The following ARMH3 variants were observed in gnomAD, a reference collection of about 807,000 sequenced individuals.
ARMH3 encodes armadillo-like helical domain-containing protein 3.
Under a neutral mutation model 99.1 loss-of-function variants are expected in ARMH3, and 60 were observed. The ratio of observed to expected loss-of-function variants is 0.61; its 90% CI spans 0.49 to 0.75. The LOEUF is 0.75. Among genes scored for constraint, ARMH3 ranks in the 30% least tolerant of loss-of-function variants. The probability of loss-of-function intolerance (pLI) is 0.00; values close to 1 mark genes in which losing one functional copy is unlikely to be tolerated. For synonymous variants in ARMH3, 285 were observed against 292.8 expected (o/e 0.97, Z 0.27); for missense variants, 679 against 843.1 (o/e 0.81, Z 2.41).
At chr10:102,043,869 T>C (rs529006325) in intron 1 of ARMH3, among the ~76,000 whole-genome samples, 2 of 152,286 alleles carry the variant, frequency 1.3e-5, no homozygotes, top group South Asian at 4.1e-4. Context: ...GAAAGACTGT[T>C]AGTCACGTGA....
intron 4 of ARMH3, 90 bp downstream of exon 4, chr10:102,032,936 A>T: frequency 7.1e-7 from 1 of 1,414,778 alleles, no homozygotes; most frequent in Non-Finnish European, 9.6e-7. Context: ...CTCATACCTC[A>T]GAGCAACTCT....
rs2067372928 is a variant in ARMH3, at chr10:102,040,048, C to A, written c.67G>T (p.Glu23Ter). Residue 23 changes from glutamate to a stop codon, truncating the protein, a stop_gained, in exon 2 of 26, where the codon GAA becomes TAA. Transcript: ENST00000370033. LOFTEE classifies it high-confidence loss of function. The part of the protein sequence containing the change: ...KSSASKKPLK[E>*]KVVLMYDEIF... ...TCATCATACATCAGCACCACTTTTT[C>A]CTTCAGTGGTTTTTTGGAGGCTGAA... 3 of 1,614,158 alleles carry A rather than the reference C, an allele frequency of 1.9e-6. No homozygotes were observed. Among genetic ancestry groups the A allele is most frequent in the Non-Finnish European group, 2.5e-6 (3 of 1,180,016 alleles).
intron 23 of ARMH3, among the ~76,000 whole-genome samples, chr10:101,915,597 G>A (rs1178327857): frequency 6.6e-6 from 1 of 152,114 alleles, no homozygotes; most frequent in Non-Finnish European, 1.5e-5. Context: ...GTGGCAGAAA[G>A]GGAGGAAGGA....
At chr10:102,035,175 G>A (rs2067222402) in intron 2 of ARMH3, among the ~76,000 whole-genome samples, 2 of 152,032 alleles carry the variant, frequency 1.3e-5, no homozygotes, top group African/African-American at 4.8e-5. Context: ...AGGAGATGGA[G>A]GCCATCCTGG....
intron 22 of ARMH3, among the ~76,000 whole-genome samples, chr10:101,948,729 A>G (rs975899776): frequency 6.6e-6 from 1 of 152,180 alleles, no homozygotes; most frequent in African/African-American, 2.4e-5. Context: ...ACAGAGAACA[A>G]TATTATCATA....
chr10:101,983,771 T>A (rs1054834533), intron 19 of ARMH3, among the ~76,000 whole-genome samples: 12 of 152,214 alleles, frequency 7.9e-5, no homozygotes, highest in Non-Finnish European at 1.3e-4. Flanking sequence ...TATCTCTTCA[T>A]CTGACTGTTT....
rs571067706 is a variant in ARMH3 at position 102,010,070 on chromosome 10, G to A, written c.832-47C>T. The A allele has an allele frequency of 3.8e-6, 6 of 1,575,914 alleles. No individual in the cohort carries two copies. The East Asian group carries it at 1.3e-4, about 35-fold the overall frequency. ...GCAAACTTATAGCAGGAGGATATGA[G>A]AGGAGCTTTATGCCTAGGAAGCCTT... On this transcript the variant is annotated intron_variant, in intron 11 of 25. Transcript: ENST00000370033.
At chr10:101,916,026 G>A (rs1337659549) in intron 23 of ARMH3, among the ~76,000 whole-genome samples, 2 of 151,888 alleles carry the variant, frequency 1.3e-5, no homozygotes, top group South Asian at 2.1e-4. Context: ...GGATGGTCTC[G>A]ATCTCCTGAC....
chr10:101,866,482 TAA>T (rs58252053), intron 24 of ARMH3, among the ~76,000 whole-genome samples: 18 of 126,738 alleles, frequency 1.4e-4, no homozygotes, highest in Admixed American at 2.3e-4. Flanking sequence ...AGGACAAGTG[TAA>T]AAAAAAAAAA....
At chr10:101,875,040 C>T (rs2067227553) in intron 24 of ARMH3, among the ~76,000 whole-genome samples, 1 of 152,172 alleles carries the variant, frequency 6.6e-6, no homozygotes, top group South Asian at 2.1e-4. Flanking sequence ...GCACAGCGTA[C>T]ATACTTCTGT....
chr10:102,002,175 G>A, intron 14 of ARMH3, 103 bp from the exon 15 acceptor site: 1 of 1,532,582 alleles, frequency 6.5e-7, no homozygotes, highest in Non-Finnish European at 8.8e-7. Flanking sequence ...CACTAAATAA[G>A]CTTTTTCCAC....
At chr10:102,030,912 A>G (rs914265851) in intron 4 of ARMH3, among the ~76,000 whole-genome samples, 1 of 151,826 alleles carries the variant, frequency 6.6e-6, no homozygotes. Context: ...CGGTCTTCCT[A>G]GTAGCTGGAG....
At chr10:101,885,860 G>C (rs1367596939) in intron 24 of ARMH3, among the ~76,000 whole-genome samples, 1 of 152,030 alleles carries the variant, frequency 6.6e-6, no homozygotes, top group Middle Eastern at 3.4e-3. Context: ...TTTGAGACCA[G>C]GCTGGCCAAC....
chr10:101,925,667 G>C (rs1843480342), intron 23 of ARMH3, among the ~76,000 whole-genome samples: 1 of 152,174 alleles, frequency 6.6e-6, no homozygotes, highest in Non-Finnish European at 1.5e-5. Context: ...CCAGCACTTT[G>C]GAAGGTCAAG....
At chr10:101,963,004 C>T (rs770049943) in intron 20 of ARMH3, among the ~76,000 whole-genome samples, 4 of 146,734 alleles carry the variant, frequency 2.7e-5, no homozygotes, top group Non-Finnish European at 4.5e-5. Context: ...GAGCTCAACT[C>T]TGTCACCCAG....
chr10:101,904,652 T>C (rs1043293481), intron 23 of ARMH3, among the ~76,000 whole-genome samples: 1 of 144,562 alleles, frequency 6.9e-6, no homozygotes. Context: ...GTGTTGGGAT[T>C]AAAAAAAAAA....
intron 5 of ARMH3, among the ~76,000 whole-genome samples, chr10:102,027,749 G>T (rs1052257567): frequency 6.6e-6 from 1 of 151,826 alleles, no homozygotes; most frequent in East Asian, 1.9e-4. Context: ...AACTGCAAAA[G>T]GCCAGAATTT....
chr10:101,893,397 T>C (rs2067740744), intron 23 of ARMH3, among the ~76,000 whole-genome samples: 2 of 152,188 alleles, frequency 1.3e-5, no homozygotes, highest in African/African-American at 2.4e-5. Context: ...AATTTTTTTT[T>C]TAAATTCCTG....
chr10:101,941,690 A>G (rs1304108524), intron 22 of ARMH3, among the ~76,000 whole-genome samples: 3 of 152,330 alleles, frequency 2.0e-5, no homozygotes, highest in Admixed American at 6.5e-5. Flanking sequence ...ATTTAGTGCA[A>G]GGGAATTTGG....
Sources: allele counts gnomAD v4.1 joint callset (sites outside exome capture counted in the v4.1 genomes callset), GRCh38; gene constraint gnomAD v4.1.1; transcripts MANE v1.5; gene names NCBI Gene and HGNC (gene_info 2026-07-23, HGNC 2026-07-21).